The following MEFV variants were observed in gnomAD, a reference collection of about 807,000 sequenced individuals.
The protein encoded by MEFV is MEFV innate immunity regulator, pyrin.
MEFV carries 60 observed loss-of-function variants against 62.5 expected under a neutral mutation model. The observed-to-expected ratio is 0.96, with a 90% confidence interval of 0.78 to 1.19. MEFV has a LOEUF of 1.19. Ranked by LOEUF, MEFV falls within the 50% of genes most tolerant of loss-of-function variation. The pLI is 0.00. For missense variants in MEFV, 1,169 were observed against 1,004.5 expected (o/e 1.16, Z -2.21); for synonymous variants, 500 against 415.2 (o/e 1.20, Z -2.48).
At position 3,256,365 on chromosome 16, in the gene MEFV, G is replaced by C; in HGVS notation, c.223C>G (p.Arg75Gly). 1 of 1,614,026 alleles carries C rather than the reference G, an allele frequency of 6.2e-7. No homozygotes were observed. The highest frequency in any genetic ancestry group is 8.5e-7 in the Non-Finnish European group (1 of 1,180,030). ...GCCAGCAGGCGCTGGTTGATGGCCC[G>C]CAGGACCTGCAGGGTGAGCTGCACG... Reference protein sequence around the residue: ...YAVQLTLQVLRAINQRLLAEE... With the variant: ...YAVQLTLQVLGAINQRLLAEE... The change falls in exon 1 of 10, where the codon CGG becomes GGG. Residue 75 changes from arginine to glycine, a missense_variant. By Grantham distance (125) the Arg-to-Gly change is moderately radical. Coordinates refer to ENST00000219596, the MANE Select transcript of MEFV (RefSeq NM_000243.3).
In MEFV at chr16:3,243,057, G is replaced by T; in HGVS notation, c.*84C>A. On this transcript the variant is annotated 3_prime_UTR_variant, in exon 10 of 10. Coordinates refer to ENST00000219596, the MANE Select transcript of MEFV (RefSeq NM_000243.3). ...ATTTTTGCATTTCCCATAGCAGCTAGCACCTAGTCGGCATTCCGTGACTAT... is the reference window on the plus strand; with the variant it reads ...ATTTTTGCATTTCCCATAGCAGCTATCACCTAGTCGGCATTCCGTGACTAT... 1 of 1,463,582 alleles carries T rather than the reference G, an allele frequency of 6.8e-7. No homozygotes were observed. Among genetic ancestry groups the T allele is most frequent in the Non-Finnish European group, 9.5e-7 (1 of 1,047,192 alleles). 90.7% of individuals were successfully genotyped at this position (1,463,582 alleles called of 1,614,324 possible).
At chr16:3,254,875 G>C in intron 1 of MEFV, 85 bp from the exon 2 acceptor site, 2 of 1,594,148 alleles carry the variant, frequency 1.3e-6, no homozygotes, top group Admixed American at 3.4e-5. Flanking sequence ...GAATCCCCTT[G>C]GATATTAAAG....
At position 3,250,494 on chromosome 16, in the gene MEFV, A is replaced by T. The variant is rs572787281; in HGVS notation, c.911-714T>A. On this transcript the variant is annotated intron_variant, in intron 2 of 9. Transcript: ENST00000219596. ...TGTGGTGGTGCACACCTCTAATCCC[A>T]GCTACTTGGGAGGCTGAGACAGGAG... 2.0e-5 allele frequency among the ~76,000 whole-genome samples: 3 copies of T among 152,110 alleles called. No individual in the cohort carries two copies. In the South Asian group the frequency reaches 6.2e-4, roughly 32 times the overall value.
At chr16:3,244,069 TA>T in intron 8 of MEFV, 177 bp from the exon 9 acceptor site, 1 of 1,551,646 alleles carries the variant, frequency 6.4e-7, no homozygotes. Context: ...GACTGTGGTC[TA>T]ATGAGTCAAC....
rs1463263180 is a variant in MEFV, at chr16:3,254,785, A to G, written c.283T>C (p.Ser95Pro). ...ELHRAAIQEYSTQENGTDDSA... is the reference protein window; with the variant it reads ...ELHRAAIQEYPTQENGTDDSA... ...TCATCTGTGCCGTTTTCTTGTGTGGAATATTCTGGAAGGACAACCAGATGC... is the reference window on the plus strand; with the variant it reads ...TCATCTGTGCCGTTTTCTTGTGTGGGATATTCTGGAAGGACAACCAGATGC... The change falls in exon 2 of 10, where the codon TCC (serine) becomes CCC (proline). Residue 95 changes from serine to proline, a missense_variant. Ser to Pro is a moderately conservative substitution (Grantham distance 74). Coordinates refer to ENST00000219596, the MANE Select transcript of MEFV (RefSeq NM_000243.3). The G allele has an allele frequency of 6.2e-7, 1 of 1,611,570 alleles. No homozygotes were observed. The highest frequency in any genetic ancestry group is 8.5e-7 in the Non-Finnish European group (1 of 1,179,992).
intron 5 of MEFV, 138 bp downstream of exon 5, chr16:3,246,878 G>C: frequency 1.2e-6 from 1 of 865,854 alleles, no homozygotes; most frequent in East Asian, 2.6e-5. Flanking sequence ...AGGCACTGTG[G>C]GTCACCAAGA....
chr16:3,247,004 A>G lies in MEFV; in HGVS notation c.1587+12T>C, dbSNP rs1313540376. 2 of 1,613,572 alleles carry G rather than the reference A, an allele frequency of 1.2e-6. No homozygotes were observed. Among genetic ancestry groups the G allele is most frequent in the Admixed American group, 3.3e-5 (2 of 60,026 alleles). ...CAGGGGACCCAAGAAAGCCGGGCCC[A>G]GGCACACCCACCTGCAGAAGTTCCC... On this transcript the variant is annotated intron_variant, in intron 5 of 9. Coordinates refer to ENST00000219596, the MANE Select transcript of MEFV (RefSeq NM_000243.3).
intron 2 of MEFV, among the ~76,000 whole-genome samples, chr16:3,251,360 A>G (rs224215): frequency 0.32 from 48,905 of 151,970 alleles, 8,799 homozygotes; most frequent in Admixed American, 0.41. Context: ...GAGGGATACT[A>G]TTCCCCTCTG....
chr16:3,244,744 T>C (rs150228195), intron 6 of MEFV, among the ~76,000 whole-genome samples, 156 bp from the exon 7 acceptor site: 9 of 152,338 alleles, frequency 5.9e-5, no homozygotes, highest in South Asian at 2.1e-4. Flanking sequence ...GTCTAAATGC[T>C]GGTCCTCAAC....
intron 6 of MEFV, among the ~76,000 whole-genome samples, chr16:3,245,874 C>G (rs544736670): frequency 5.9e-5 from 9 of 152,226 alleles, no homozygotes; most frequent in Admixed American, 2.0e-4. Context: ...ATTTGTACAC[C>G]CTTGTTCATA....
chr16:3,251,964 C>T (rs1164004563), intron 2 of MEFV: 1 of 427,666 alleles, frequency 2.3e-6, no homozygotes, highest in Non-Finnish European at 4.7e-6. Flanking sequence ...CACCTGTAAT[C>T]CCAGCAGTTT....
At position 3,256,316 on chromosome 16, in the gene MEFV, ATGGC is replaced by A; in HGVS notation, c.268_271del (p.Ala90PhefsTer28). Reference sequence around the variant, plus strand: ...GGAGGCCTGGGCCCGCTTACCCTGAATGGCTGCCCTGTGGAGCTCCTCGGCCAGC... The same window carrying A: ...GGAGGCCTGGGCCCGCTTACCCTGAATGCCCTGTGGAGCTCCTCGGCCAGC... On this transcript the variant is annotated frameshift_variant, in exon 1 of 10. Coordinates refer to ENST00000219596, the MANE Select transcript of MEFV (RefSeq NM_000243.3). LOFTEE classifies it high-confidence loss of function. The A allele has an allele frequency of 6.2e-7, 1 of 1,613,676 alleles. No individual in the cohort carries two copies. Among genetic ancestry groups the A allele is most frequent in the East Asian group, 2.2e-5 (1 of 44,872 alleles).
At chr16:3,251,288 T>C (rs1018359406) in intron 2 of MEFV, among the ~76,000 whole-genome samples, 7 of 152,156 alleles carry the variant, frequency 4.6e-5, no homozygotes, top group Non-Finnish European at 1.0e-4. Flanking sequence ...GACAATAATA[T>C]GACCAAAGGG....
At position 3,249,639 on chromosome 16, in the gene MEFV, C is replaced by T; in HGVS notation, c.1052G>A (p.Gly351Asp). Residue 351 changes from glycine (G) to aspartate (D), a missense_variant, in exon 3 of 10, where the codon GGC becomes GAC. Coordinates refer to ENST00000219596, the MANE Select transcript of MEFV (RefSeq NM_000243.3). ...ATGGGAGTCCTGGCACCGGGGGCAGCCAGGTGAGCGGCTGCCTGAGGCCTG... is the reference window on the plus strand; with the variant it reads ...ATGGGAGTCCTGGCACCGGGGGCAGTCAGGTGAGCGGCTGCCTGAGGCCTG... ...HPQASGSRSPGCPRCQDSHER... is the reference protein window; with the variant it reads ...HPQASGSRSPDCPRCQDSHER... The T allele has an allele frequency of 6.2e-7, 1 of 1,613,770 alleles. No individual in the cohort carries two copies. Among genetic ancestry groups the T allele is most frequent in the Non-Finnish European group, 8.5e-7 (1 of 1,179,806 alleles).
intron 6 of MEFV, 42 bp from the exon 7 acceptor site, chr16:3,244,630 G>C: frequency 6.6e-7 from 1 of 1,506,486 alleles, no homozygotes; most frequent in Non-Finnish European, 9.2e-7. Flanking sequence ...CCGGAGCGAG[G>C]GGGTGGCCCA....
chr16:3,254,475 T>G lies in MEFV; in HGVS notation c.593A>C (p.Gln198Pro). Reference protein sequence around the residue: ...PGPCRALEGGQAEVRLRRNAS... With the variant: ...PGPCRALEGGPAEVRLRRNAS... ...GTTTCTGCGCAGCCGGACCTCGGCC[T>G]GGCCCCCCTCTAGCGCCCTGCAGGG... The change falls in exon 2 of 10, where the codon CAG becomes CCG. Residue 198 changes from glutamine to proline, a missense_variant. Physicochemically the swap from Gln to Pro is moderately conservative, Grantham distance 76 (BLOSUM62 -1). Coordinates refer to ENST00000219596, the MANE Select transcript of MEFV (RefSeq NM_000243.3). 6.3e-7 allele frequency: 1 copy of G among 1,596,910 alleles called. No homozygotes were observed. Among genetic ancestry groups the G allele is most frequent in the Non-Finnish European group, 8.5e-7 (1 of 1,172,838 alleles).
rs771682514 is a variant in MEFV, at chr16:3,256,366, C to T, written c.222G>A (p.Leu74=). 6.2e-7 allele frequency: 1 copy of T among 1,614,078 alleles called. No homozygotes were observed. Among genetic ancestry groups the T allele is most frequent in the Non-Finnish European group, 8.5e-7 (1 of 1,180,040 alleles). Residue 74 remains leucine (L), a synonymous_variant, in exon 1 of 10, where the codon CTG becomes CTA. Transcript: ENST00000219596. ...EYAVQLTLQV[L]RAINQRLLAE... ...CCAGCAGGCGCTGGTTGATGGCCCG[C>T]AGGACCTGCAGGGTGAGCTGCACGG... is the stretch of plus-strand genomic sequence containing the variant.
chr16:3,249,677 A>T lies in MEFV; in HGVS notation c.1014T>A (p.Val338=). ...VRDSCSFPEA[V]SGHPQASGSR... ...TGCCTGAGGCCTGGGGGTGCCCAGA[A>T]ACTGCCTCGGGGAAGCTGCAGGAAT... is the stretch of plus-strand genomic sequence containing the variant. Residue 338 remains valine, a synonymous_variant, in exon 3 of 10, where the codon GTT becomes GTA. Coordinates refer to ENST00000219596, the MANE Select transcript of MEFV (RefSeq NM_000243.3). 1 of 1,612,932 alleles carries T rather than the reference A, an allele frequency of 6.2e-7. No homozygotes were observed. Among genetic ancestry groups the T allele is most frequent in the Non-Finnish European group, 8.5e-7 (1 of 1,179,120 alleles).
Position 3,242,880 on chromosome 16 carries a change from G to C in MEFV, c.*261C>G, listed in dbSNP as rs141757279. The C allele has an allele frequency of 4.6e-4, 235 of 513,968 alleles. 2 individuals carry two copies. The highest frequency in any genetic ancestry group is 3.2e-3 in the Middle Eastern group (6 of 1,854). The allele number at this position is 513,968 out of a possible 1,614,324, so 31.8% of individuals were successfully genotyped here. ...GAGCACCTGAGAGTGCCACCCACCA[G>C]GGGCGGATTATGCAACGACTCCGTA... is the stretch of plus-strand genomic sequence containing the variant. On this transcript the variant is annotated 3_prime_UTR_variant, in exon 10 of 10. Transcript: ENST00000219596.
Sources: gnomAD v4.1 joint callset for allele counts (sites outside exome capture counted in the v4.1 genomes callset) on GRCh38, gnomAD v4.1.1 for gene constraint, MANE v1.5 for transcripts, NCBI Gene and HGNC (gene_info 2026-07-23, HGNC 2026-07-21) for gene names.